SLC9B1: variants seen among roughly 807,000 people sequenced by gnomAD.
SLC9B1 encodes sodium/hydrogen exchanger 9B1.
SLC9B1 carries 32 observed loss-of-function variants against 51.7 expected under a neutral mutation model. The observed-to-expected ratio is 0.62, with a 90% CI of 0.47 to 0.83. The LOEUF (loss-of-function observed/expected upper bound fraction) is 0.83, where lower values mean the gene tolerates loss of function less well. SLC9B1 is among the 40% of genes least tolerant of loss of function. The pLI, the probability that SLC9B1 is intolerant of heterozygous loss-of-function variation, is 0.00. For synonymous variants in SLC9B1, 145 were observed against 212.7 expected, an observed-to-expected ratio of 0.68 and a Z score of 2.77; for missense variants, 406 against 613.2, an observed-to-expected ratio of 0.66 and a Z score of 3.57.
chr4:102,965,074 G>C (rs1168314109), intron 3 of SLC9B1, among the ~76,000 whole-genome samples: 1 of 152,092 alleles, frequency 6.6e-6, no homozygotes, highest in African/African-American at 2.4e-5. Flanking sequence ...CAAGTTTGTA[G>C]AGTATATGAT....
intron 1 of SLC9B1, among the ~76,000 whole-genome samples, chr4:103,015,211 T>C (rs1036602104): frequency 2.0e-5 from 3 of 146,558 alleles, no homozygotes; most frequent in Admixed American, 7.0e-5. Context: ...TGAATAAGTA[T>C]ACATTAATGT....
At chr4:102,888,214 G>A (rs184219643) in intron 11 of SLC9B1, 1 of 152,256 alleles carries the variant, frequency 6.6e-6, no homozygotes, top group East Asian at 1.9e-4. Flanking sequence ...ATAGTTCAGT[G>A]TTCAAAATTG....
chr4:102,913,154 C>T (rs1440359309), intron 7 of SLC9B1, among the ~76,000 whole-genome samples: 1 of 152,206 alleles, frequency 6.6e-6, no homozygotes, highest in African/African-American at 2.4e-5. Flanking sequence ...CTTGCAGCTT[C>T]TCCATTAGCA....
At chr4:102,951,020 G>GAAAAC (rs200384028) in intron 3 of SLC9B1, among the ~76,000 whole-genome samples, 1 of 151,394 alleles carries the variant, frequency 6.6e-6, no homozygotes, top group African/African-American at 2.4e-5. Flanking sequence ...AAACAAAACA[G>GAAAAC]AAAACAAAAC....
In SLC9B1 at chr4:102,951,938, C is replaced by T. The variant is rs1378729480; in HGVS notation, c.212-2511G>A. 5.1e-5 allele frequency among the ~76,000 whole-genome samples: 4 copies of T among 79,060 alleles called. 1 individual carries two copies. The Admixed American group carries it at 5.9e-4, about 12-fold the overall frequency. 51.9% of individuals were successfully genotyped at this position (79,060 alleles called of 152,430 possible). ...AGATAAAATGTTGAGAAACTATAGA[C>T]TACCAAAGGCAAAAATAAAATCTTT... On this transcript the variant is annotated intron_variant, in intron 3 of 11. Coordinates refer to ENST00000296422, the MANE Select transcript of SLC9B1 (RefSeq NM_139173.4).
At chr4:103,005,422 T>C (rs1377752727) in intron 1 of SLC9B1, among the ~76,000 whole-genome samples, 2 of 152,118 alleles carry the variant, frequency 1.3e-5, no homozygotes, top group Non-Finnish European at 2.9e-5. Flanking sequence ...TAAATATATA[T>C]ATGAACCCAC....
intron 7 of SLC9B1, among the ~76,000 whole-genome samples, chr4:102,926,828 C>T (rs1736205725): frequency 6.6e-6 from 1 of 152,192 alleles, no homozygotes; most frequent in South Asian, 2.1e-4. Flanking sequence ...CTGGAGGCAT[C>T]ACACTACCTG....
intron 7 of SLC9B1, among the ~76,000 whole-genome samples, chr4:102,922,950 T>C (rs2110446286): frequency 6.6e-6 from 1 of 152,176 alleles, no homozygotes; most frequent in South Asian, 2.1e-4. Flanking sequence ...CAGGACCAGA[T>C]GGATTCACAG....
chr4:103,017,394 A>G (rs896842450), intron 1 of SLC9B1, among the ~76,000 whole-genome samples: 2 of 152,164 alleles, frequency 1.3e-5, no homozygotes, highest in African/African-American at 4.8e-5. Context: ...GTTTCTCTTT[A>G]CACTTTAAAT....
intron 1 of SLC9B1, among the ~76,000 whole-genome samples, chr4:103,016,214 T>G (rs1741327677): frequency 6.6e-6 from 1 of 151,528 alleles, no homozygotes; most frequent in Admixed American, 6.6e-5. Context: ...ATATATTCCC[T>G]GGATTCCATA....
chr4:102,934,643 G>A (rs572021914), intron 6 of SLC9B1, among the ~76,000 whole-genome samples: 1 of 151,922 alleles, frequency 6.6e-6, no homozygotes, highest in South Asian at 2.1e-4. Flanking sequence ...GTGCATGCCT[G>A]TAGTCCCAGC....
chr4:102,943,501 ATGT>A (rs1560942512), intron 6 of SLC9B1, among the ~76,000 whole-genome samples: 3 of 146,018 alleles, frequency 2.1e-5, no homozygotes, highest in African/African-American at 7.9e-5. Flanking sequence ...ATATATGTGT[ATGT>A]ATACACACAC....
chr4:102,989,583 T>C (rs1158062317), intron 3 of SLC9B1, among the ~76,000 whole-genome samples: 2 of 151,952 alleles, frequency 1.3e-5, no homozygotes, highest in African/African-American at 4.8e-5. Flanking sequence ...GTATGACAAA[T>C]ATTAAAACAT....
At chr4:102,885,170 T>C in exon 12 of SLC9B1, 1 of 1,456,174 alleles carries the variant, frequency 6.9e-7, no homozygotes, top group Non-Finnish European at 9.6e-7. Flanking sequence ...CTATTTTGAA[T>C]TCTTTTCCAA....
In SLC9B1 at chr4:102,945,234, G is replaced by A. The variant is rs1737210597; in HGVS notation, c.612C>T (p.His204=). The A allele has an allele frequency of 6.2e-7, 1 of 1,608,592 alleles. No homozygotes were observed. The highest frequency in any genetic ancestry group is 1.1e-5 in the South Asian group (1 of 90,354). Residue 204 remains histidine (H), a synonymous_variant, in exon 6 of 12, where the codon CAC becomes CAT. Coordinates refer to ENST00000296422, the MANE Select transcript of SLC9B1 (RefSeq NM_139173.4). ...ATTGCCAGGGAAATTTCATAATGAA[G>A]TGTGAAAAAACAGCAGCTGCACTTG... ...MEASAAAVFS[H]FIMKFPWQWA...
chr4:102,971,098 G>C (rs1738736390), intron 3 of SLC9B1, among the ~76,000 whole-genome samples: 1 of 152,114 alleles, frequency 6.6e-6, no homozygotes, highest in East Asian at 1.9e-4. Flanking sequence ...AGGTTAACAA[G>C]GATTTCCAGG....
At chr4:102,917,385 A>G (rs1735629211) in intron 7 of SLC9B1, among the ~76,000 whole-genome samples, 1 of 151,904 alleles carries the variant, frequency 6.6e-6, no homozygotes, top group Admixed American at 6.6e-5. Context: ...TCCTTAATAA[A>G]TTATATTTCA....
At chr4:102,918,698 G>A (rs1316061657) in intron 7 of SLC9B1, among the ~76,000 whole-genome samples, 1 of 152,192 alleles carries the variant, frequency 6.6e-6, no homozygotes, top group Non-Finnish European at 1.5e-5. Context: ...AACATGTGAG[G>A]ACAAAGAGAA....
At chr4:102,990,584 G>T (rs1028179732) in intron 2 of SLC9B1, among the ~76,000 whole-genome samples, 5 of 147,954 alleles carry the variant, frequency 3.4e-5, no homozygotes, top group Non-Finnish European at 6.0e-5. Context: ...CATAAACAAT[G>T]ATAACAACAA....
Sources: gnomAD v4.1 joint callset for allele counts (sites outside exome capture counted in the v4.1 genomes callset) on GRCh38, gnomAD v4.1.1 for gene constraint, MANE v1.5 for transcripts, NCBI Gene and HGNC (gene_info 2026-07-23, HGNC 2026-07-21) for gene names.